Variants in TSPAN9 observed in about 807,000 individuals in gnomAD.
TSPAN9 encodes the protein tetraspanin-9.
In TSPAN9, 16 loss-of-function variants were observed where a neutral mutation model predicts 31.0. The ratio of observed to expected loss-of-function variants is 0.52; its 90% CI spans 0.35 to 0.78. TSPAN9 has a LOEUF of 0.78. Among genes scored for constraint, TSPAN9 ranks in the 30% least tolerant of loss-of-function variants. The pLI is 0.01. For synonymous variants in TSPAN9, 145 were observed against 121.6 expected, an observed-to-expected ratio of 1.19 and a Z score of -1.27; for missense variants, 272 against 312.5, an observed-to-expected ratio of 0.87 and a Z score of 0.98.
chr12:3,198,125 AG>A (rs2098368267), intron 2 of TSPAN9, among the ~76,000 whole-genome samples: 1 of 88,074 alleles, frequency 1.1e-5, no homozygotes, highest in Non-Finnish European at 2.3e-5. Context: ...CCACCAGCAC[AG>A]GCCACCACCA....
chr12:3,267,005 A>G (rs1404307505), intron 3 of TSPAN9, among the ~76,000 whole-genome samples: 1 of 152,180 alleles, frequency 6.6e-6, no homozygotes, highest in Non-Finnish European at 1.5e-5. Context: ...GATCACCCTC[A>G]TTACATTATT....
At chr12:3,149,041 G>GC (rs1168385381) in intron 2 of TSPAN9, among the ~76,000 whole-genome samples, 2 of 152,196 alleles carry the variant, frequency 1.3e-5, no homozygotes. Context: ...TCAGCTTTCA[G>GC]CCCCCCGCCA....
intron 3 of TSPAN9, among the ~76,000 whole-genome samples, chr12:3,253,955 A>C (rs188602423): frequency 6.6e-6 from 1 of 152,306 alleles, no homozygotes; most frequent in African/African-American, 2.4e-5. Context: ...AGCCTGTGAA[A>C]ATGCTCAGGT....
intron 2 of TSPAN9, among the ~76,000 whole-genome samples, chr12:3,190,829 C>T (rs2098363997): frequency 6.6e-6 from 1 of 152,232 alleles, no homozygotes; most frequent in African/African-American, 2.4e-5. Flanking sequence ...AAGGTTCTTC[C>T]TGTTGCTACT....
rs2098335995 is a variant in TSPAN9 at position 3,143,947 on chromosome 12, C to T, written c.-17-57230C>T. On this transcript the variant is annotated intron_variant, in intron 2 of 8. Coordinates refer to ENST00000011898, the MANE Select transcript of TSPAN9 (RefSeq NM_006675.5). This position sits in a 1 kb window ranked among gnomAD's most constrained non-coding sequence, Gnocchi z 4.2. ...GGTGCGTTCATTGCTACTGGGGTGT[C>T]ATTGCTTCTAGGTCCTCTCAGAGAA... Among the ~76,000 whole-genome samples, 1 of 152,142 alleles carries T rather than the reference C, an allele frequency of 6.6e-6. No homozygotes were observed. The highest frequency in any genetic ancestry group is 2.4e-5 in the African/African-American group (1 of 41,418).
intron 2 of TSPAN9, among the ~76,000 whole-genome samples, chr12:3,108,184 G>A (rs1162581875): frequency 1.3e-5 from 2 of 152,184 alleles, no homozygotes; most frequent in African/African-American, 4.8e-5. Flanking sequence ...GTGAGTCATC[G>A]GATGCTACAA....
In TSPAN9 at chr12:3,192,994, A is replaced by T. The variant is rs2098365227; in HGVS notation, c.-17-8183A>T. On this transcript the variant is annotated intron_variant, in intron 2 of 8. Transcript: ENST00000011898. The surrounding 1 kb of genome is among the most constrained non-coding windows in gnomAD (Gnocchi z 4.6). ...GCTTCTGTGTTCCCTCGTAACCTTT[A>T]TTCCTTATTTTTTTACATAGTGCTG... 5.9e-5 allele frequency among the ~76,000 whole-genome samples: 9 copies of T among 152,044 alleles called. No individual in the cohort carries two copies. In the South Asian group the frequency reaches 1.9e-3, roughly 31 times the overall value.
At chr12:3,114,695 T>A (rs1243316701) in intron 2 of TSPAN9, among the ~76,000 whole-genome samples, 3 of 151,908 alleles carry the variant, frequency 2.0e-5, no homozygotes, top group Non-Finnish European at 4.4e-5. Context: ...ATACAAAGAT[T>A]AGCCAGGCAT....
At chr12:3,221,023 C>T (rs541952027) in intron 3 of TSPAN9, among the ~76,000 whole-genome samples, 1 of 152,252 alleles carries the variant, frequency 6.6e-6, no homozygotes, top group South Asian at 2.1e-4. Flanking sequence ...CAGCATCAGG[C>T]TGAACTTTTG....
chr12:3,203,119 A>T (rs1259897222), intron 3 of TSPAN9, among the ~76,000 whole-genome samples: 1 of 151,910 alleles, frequency 6.6e-6, no homozygotes, highest in Admixed American at 6.6e-5. Context: ...GGGGCTTGTA[A>T]CCCCACTCAG....
intron 2 of TSPAN9, among the ~76,000 whole-genome samples, chr12:3,146,302 G>A (rs1225651901): frequency 1.3e-5 from 2 of 152,222 alleles, no homozygotes; most frequent in African/African-American, 4.8e-5. Flanking sequence ...TCCCCTGGGT[G>A]TCTCAAGGCC....
intron 2 of TSPAN9, among the ~76,000 whole-genome samples, chr12:3,124,137 G>T (rs570882403): frequency 1.3e-5 from 2 of 152,160 alleles, no homozygotes; most frequent in Non-Finnish European, 2.9e-5. Context: ...AATTCCTGGC[G>T]CACAGAACGG....
intron 3 of TSPAN9, among the ~76,000 whole-genome samples, chr12:3,243,833 G>A (rs539033983): frequency 4.3e-4 from 65 of 152,300 alleles, no homozygotes; most frequent in African/African-American, 1.1e-3. Context: ...GCAGGGGAGC[G>A]AGAGGTGACT....
At chr12:3,124,918 T>A (rs2098326666) in intron 2 of TSPAN9, 1 of 151,798 alleles carries the variant, frequency 6.6e-6, no homozygotes, top group South Asian at 2.1e-4. Context: ...AATAAATTAG[T>A]CAGGTATAGG....
intron 2 of TSPAN9, among the ~76,000 whole-genome samples, chr12:3,184,468 GAA>G (rs1205133898): frequency 3.3e-5 from 5 of 152,042 alleles, no homozygotes; most frequent in East Asian, 1.9e-4. Context: ...AGAAAAAAAA[GAA>G]AGAGTCCAAG....
chr12:3,283,078 C>T lies in TSPAN9; in HGVS notation c.682C>T (p.Gln228Ter). 1 of 1,609,660 alleles carries T rather than the reference C, an allele frequency of 6.2e-7. No individual in the cohort carries two copies. The highest frequency in any genetic ancestry group is 8.5e-7 in the Non-Finnish European group (1 of 1,179,988). Residue 228 changes from glutamine (Q) to a stop codon, truncating the protein, a stop_gained, in exon 9 of 9, where the codon CAG becomes TAG. Coordinates refer to ENST00000011898, the MANE Select transcript of TSPAN9 (RefSeq NM_006675.5). LOFTEE classifies it high-confidence loss of function. ...CATGGCCTTCTCCATGACCCTCTTC[C>T]AGCACATCCACCGGACTGGTAAGAA... ...LGMAFSMTLF[Q>*]HIHRTGKKYD...
At chr12:3,213,371 T>A (rs1244847191) in intron 3 of TSPAN9, among the ~76,000 whole-genome samples, 1 of 152,150 alleles carries the variant, frequency 6.6e-6, no homozygotes, top group Non-Finnish European at 1.5e-5. Flanking sequence ...TGGCAAGAGC[T>A]CATTGGACCC....
chr12:3,193,569 T>A (rs2098365571), intron 2 of TSPAN9, among the ~76,000 whole-genome samples: 1 of 152,224 alleles, frequency 6.6e-6, no homozygotes, highest in Admixed American at 6.5e-5. Context: ...AGAAGTGGCC[T>A]CTGACAAGGG....
In TSPAN9 at chr12:3,094,641, T is replaced by C. The variant is rs1288919923; in HGVS notation, c.-18+10922T>C. ...AACCTCCGCTCCTGGGTTCAAGCGA[T>C]TCTCCTGCCTCAGCCTCCCGAGTAG... On this transcript the variant is annotated intron_variant, in intron 2 of 8. Transcript: ENST00000011898. Among the ~76,000 whole-genome samples, 3 of 151,158 alleles carry C rather than the reference T, an allele frequency of 2.0e-5. No homozygotes were observed. The South Asian group carries it at 6.3e-4, about 32-fold the overall frequency.
Sources: gnomAD v4.1 joint callset for allele counts (sites outside exome capture counted in the v4.1 genomes callset) on GRCh38, gnomAD v4.1.1 for gene constraint, Gnocchi (gnomAD v3.1) non-coding constraint, MANE v1.5 for transcripts, NCBI Gene and HGNC (gene_info 2026-07-23, HGNC 2026-07-21) for gene names.